The following CDH18 variants were observed in gnomAD, a reference collection of about 807,000 sequenced individuals.
CDH18 encodes cadherin-18.
In CDH18, 31 loss-of-function variants were observed where a neutral mutation model predicts 67.9. The observed-to-expected ratio is 0.46, with a 90% CI of 0.34 to 0.62. The LOEUF (loss-of-function observed/expected upper bound fraction) is 0.62. Among genes scored for constraint, CDH18 ranks in the 20% least tolerant of loss-of-function variants. The pLI is 0.01. For synonymous variants in CDH18, 362 were observed against 347.2 expected, an observed-to-expected ratio of 1.04 and a Z score of -0.48; for missense variants, 890 against 975.5, an observed-to-expected ratio of 0.91 and a Z score of 1.17.
At chr5:20,296,997 T>C (rs1229148706) in intron 1 of CDH18, among the ~76,000 whole-genome samples, 1 of 151,970 alleles carries the variant, frequency 6.6e-6, no homozygotes, top group Non-Finnish European at 1.5e-5. Flanking sequence ...TATTCTGAGA[T>C]AGATATACTT....
chr5:20,215,032 T>G (rs902978244), intron 2 of CDH18, among the ~76,000 whole-genome samples: 42 of 152,002 alleles, frequency 2.8e-4, no homozygotes, highest in Admixed American at 2.8e-3. Context: ...GCAAAGGACA[T>G]GAACGGACAC....
intron 1 of CDH18, among the ~76,000 whole-genome samples, chr5:20,324,175 G>A (rs1211493081): frequency 9.9e-5 from 15 of 152,196 alleles, no homozygotes; most frequent in Non-Finnish European, 8.8e-5. Flanking sequence ...TCAAATCAGT[G>A]TGCAGTTGTG....
intron 2 of CDH18, among the ~76,000 whole-genome samples, chr5:19,878,407 A>G (rs918821077): frequency 6.6e-6 from 1 of 152,114 alleles, no homozygotes; most frequent in African/African-American, 2.4e-5. Flanking sequence ...CGGCACACAA[A>G]CAATTGTTAG....
At chr5:20,259,859 T>G (rs974196165) in intron 1 of CDH18, among the ~76,000 whole-genome samples, 1 of 151,920 alleles carries the variant, frequency 6.6e-6, no homozygotes. Flanking sequence ...AGAAGAGAGA[T>G]AGGTTGAGGA....
At chr5:20,126,051 G>A (rs971946480) in intron 2 of CDH18, among the ~76,000 whole-genome samples, 11 of 152,216 alleles carry the variant, frequency 7.2e-5, no homozygotes, top group East Asian at 3.9e-4. Flanking sequence ...CCACACTTCC[G>A]GATTTCAAAA....
At chr5:19,671,521 T>C (rs1303200143) in intron 5 of CDH18, among the ~76,000 whole-genome samples, 2 of 152,112 alleles carry the variant, frequency 1.3e-5, no homozygotes, top group East Asian at 1.9e-4. Flanking sequence ...GTGGTTCTGT[T>C]TAGAGTTCCA....
chr5:20,237,719 G>T (rs1483434416), intron 2 of CDH18, among the ~76,000 whole-genome samples: 1 of 151,874 alleles, frequency 6.6e-6, no homozygotes, highest in Non-Finnish European at 1.5e-5. Context: ...ACACGTTTAA[G>T]ATATCAATTT....
chr5:20,498,202 T>C (rs970178004), intron 1 of CDH18, among the ~76,000 whole-genome samples: 3 of 121,748 alleles, frequency 2.5e-5, no homozygotes, highest in Non-Finnish European at 3.6e-5. Flanking sequence ...AACTTTATAG[T>C]CATGTGACTT....
At chr5:19,934,061 A>G (rs190334102) in intron 2 of CDH18, among the ~76,000 whole-genome samples, 1 of 151,356 alleles carries the variant, frequency 6.6e-6, no homozygotes, top group South Asian at 2.1e-4. Context: ...AAATTCCATG[A>G]GAGCCAGGAT....
intron 2 of CDH18, among the ~76,000 whole-genome samples, chr5:20,194,905 G>T (rs1738848876): frequency 6.6e-6 from 1 of 151,952 alleles, no homozygotes; most frequent in Non-Finnish European, 1.5e-5. Flanking sequence ...CTCTAGGTTT[G>T]TTATCCCTAG....
chr5:20,454,789 A>G (rs1581030665), intron 1 of CDH18, among the ~76,000 whole-genome samples: 1 of 152,178 alleles, frequency 6.6e-6, no homozygotes, highest in South Asian at 2.1e-4. Flanking sequence ...CTTGTGATGG[A>G]TGATCATAAT....
At chr5:19,730,009 T>A (rs1767383076) in intron 4 of CDH18, among the ~76,000 whole-genome samples, 1 of 152,100 alleles carries the variant, frequency 6.6e-6, no homozygotes. Flanking sequence ...TGCCTTTCTG[T>A]CTCTCTCTCC....
chr5:20,501,602 A>ATG lies in CDH18; in HGVS notation c.-580+73859_-580+73860insCA, dbSNP rs1446283790. ...TATATTATATATATATATTATATAT[A>ATG]TATATATATATATGGAGATGGAGTC... is the stretch of plus-strand genomic sequence containing the variant. On this transcript the variant is annotated intron_variant, in intron 1 of 14. Transcript: ENST00000507958. Among the ~76,000 whole-genome samples, 9 of 79,170 alleles carry ATG rather than the reference A, an allele frequency of 1.1e-4. 1 individual carries two copies. The highest frequency in any genetic ancestry group is 4.3e-4 in the African/African-American group (9 of 20,982). 51.9% of individuals were successfully genotyped at this position (79,170 alleles called of 152,430 possible). A position where few individuals can be genotyped will look rare whatever the true frequency, so the allele number is the denominator to read the frequency against.
intron 5 of CDH18, among the ~76,000 whole-genome samples, chr5:19,631,212 T>C (rs986439753): frequency 9.9e-5 from 15 of 152,052 alleles, no homozygotes; most frequent in African/African-American, 3.6e-4. Context: ...AAGTCGATCA[T>C]AAGCCTGAAA....
intron 5 of CDH18, among the ~76,000 whole-genome samples, chr5:19,686,621 A>G (rs186417937): frequency 6.6e-6 from 1 of 152,234 alleles, no homozygotes; most frequent in African/African-American, 2.4e-5. Flanking sequence ...TTATGGATGA[A>G]ATTGTGTGTA....
At chr5:19,706,318 C>T (rs1336845680) in intron 5 of CDH18, among the ~76,000 whole-genome samples, 1 of 152,232 alleles carries the variant, frequency 6.6e-6, no homozygotes, top group Non-Finnish European at 1.5e-5. Context: ...CGCCTAGTTG[C>T]TACTGCAATA....
chr5:20,347,492 C>T (rs1223087486), intron 1 of CDH18, among the ~76,000 whole-genome samples: 4 of 152,174 alleles, frequency 2.6e-5, no homozygotes, highest in African/African-American at 9.7e-5. Context: ...TGGAGAAGAA[C>T]AGAGAGAGGC....
At chr5:20,516,952 C>T (rs1755417461) in intron 1 of CDH18, among the ~76,000 whole-genome samples, 1 of 151,850 alleles carries the variant, frequency 6.6e-6, no homozygotes, top group Admixed American at 6.6e-5. Context: ...GAATCTAGTG[C>T]AATACTTAGA....
At position 19,472,612 on chromosome 5, in the gene CDH18, T is replaced by TC. The variant is rs1377380793; in HGVS notation, c.*613dup. Among the ~76,000 whole-genome samples the TC allele has an allele frequency of 1.3e-5, 2 of 151,732 alleles. No homozygotes were observed. The highest frequency in any genetic ancestry group is 2.9e-5 in the Non-Finnish European group (2 of 67,954). On this transcript the variant is annotated 3_prime_UTR_variant, in exon 13 of 13. Coordinates refer to ENST00000382275, the MANE Select transcript of CDH18 (RefSeq NM_004934.5). ...CATACATTATAGTGCAGGCAGCAAA[T>TC]CCCCATGCTCCATCAGTTTTGTATG...
Sources: gnomAD v4.1 joint callset for allele counts (sites outside exome capture counted in the v4.1 genomes callset) on GRCh38, gnomAD v4.1.1 for gene constraint, MANE v1.5 for transcripts, NCBI Gene and HGNC (gene_info 2026-07-23, HGNC 2026-07-21) for gene names.